Variants in MPDZ observed in about 807,000 individuals in gnomAD.
MPDZ encodes multiple PDZ domain protein.
A neutral mutation model predicts 239.1 loss-of-function variants in MPDZ; 234 were observed. The observed-to-expected ratio is 0.98, with a 90% CI of 0.88 to 1.09. The LOEUF is 1.09. Ranked by LOEUF, MPDZ falls within the 50% of genes least tolerant of loss-of-function variation. The pLI, the probability that MPDZ is intolerant of heterozygous loss-of-function variation, is 0.00. For missense variants in MPDZ, 3,175 were observed against 2,510.0 expected, an observed-to-expected ratio of 1.26 and a Z score of -5.66; for synonymous variants, 1,048 against 881.3, an observed-to-expected ratio of 1.19 and a Z score of -3.35.
intron 39 of MPDZ, among the ~76,000 whole-genome samples, chr9:13,117,537 A>C (rs1289388480): frequency 5.3e-5 from 8 of 151,886 alleles, no homozygotes; most frequent in Non-Finnish European, 1.2e-4. Context: ...TCTCAAAAAA[A>C]AAAAAAAGGT....
At position 13,188,883 on chromosome 9, in the gene MPDZ, G is replaced by A. The variant is rs138592631; in HGVS notation, c.2265C>T (p.Asn755=). ...GACTGCTGTTTTCCAAGTTAACATC[G>A]TTTACAAACATGAGTCGGTCACCAG... ...LLPGDRLMFV[N]DVNLENSSLE... Residue 755 remains asparagine, a synonymous_variant, in exon 17 of 47, where the codon AAC becomes AAT. Transcript: ENST00000319217. The A allele has an allele frequency of 3.1e-4, 500 of 1,613,458 alleles. No homozygotes were observed. The African/African-American group carries it at 6.0e-3, about 19-fold the overall frequency.
At chr9:13,120,603 T>A (rs1944199884) in intron 38 of MPDZ, 1 of 152,194 alleles carries the variant, frequency 6.6e-6, no homozygotes, top group Non-Finnish European at 1.5e-5. Context: ...GACACTCAAA[T>A]AATATGCTAA....
intron 2 of MPDZ, among the ~76,000 whole-genome samples, chr9:13,248,752 G>C (rs927220354): frequency 1.3e-5 from 2 of 151,394 alleles, no homozygotes; most frequent in Non-Finnish European, 2.9e-5. Flanking sequence ...TGGATTACTT[G>C]AGCTCAGGAG....
At chr9:13,137,017 A>C (rs1384011592) in intron 29 of MPDZ, among the ~76,000 whole-genome samples, 1 of 152,180 alleles carries the variant, frequency 6.6e-6, no homozygotes, top group Non-Finnish European at 1.5e-5. Flanking sequence ...AATGCAAATG[A>C]AGTCTGACAT....
At position 13,150,554 on chromosome 9, in the gene MPDZ, G is replaced by A; in HGVS notation, c.3587C>T (p.Ala1196Val). ...FIKHVLEDSP[A>V]GKNGTLKPGD... ...AGGTTTCAAGGTTCCATTTTTGCCA[G>A]CTGGACTATCTTCCAGAACATGTTT... Residue 1196 changes from alanine (A) to valine (V), a missense_variant, in exon 25 of 47, where the codon GCT (alanine) becomes GTT (valine). By Grantham distance (64) the Ala-to-Val change is moderately conservative. Coordinates refer to ENST00000319217, the MANE Select transcript of MPDZ (RefSeq NM_001378778.1). 1 of 1,576,152 alleles carries A rather than the reference G, an allele frequency of 6.3e-7. No homozygotes were observed. The highest frequency in any genetic ancestry group is 8.6e-7 in the Non-Finnish European group (1 of 1,159,582).
At chr9:13,199,232 G>A (rs529577135) in intron 12 of MPDZ, among the ~76,000 whole-genome samples, 1 of 151,788 alleles carries the variant, frequency 6.6e-6, no homozygotes, top group African/African-American at 2.4e-5. Flanking sequence ...TTACTTCTTT[G>A]TTTACATTTA....
chr9:13,112,797 G>T (rs1278982359), intron 42 of MPDZ, among the ~76,000 whole-genome samples: 2 of 152,132 alleles, frequency 1.3e-5, no homozygotes, highest in Admixed American at 1.3e-4. Flanking sequence ...GCTATTTTCA[G>T]CAAAACAGAG....
chr9:13,120,615 T>C (rs1336213229), intron 38 of MPDZ: 1 of 152,208 alleles, frequency 6.6e-6, no homozygotes. Flanking sequence ...ATATGCTAAA[T>C]TCTTTCTGTG....
intron 1 of MPDZ, 45 bp downstream of exon 1, chr9:13,279,355 G>T (rs1975134049): frequency 7.0e-6 from 1 of 142,558 alleles, no homozygotes; most frequent in Admixed American, 6.9e-5. Flanking sequence ...CGCAGGGCGC[G>T]GGGGCGCGCC....
chr9:13,248,568 A>C (rs1382595436), intron 2 of MPDZ, among the ~76,000 whole-genome samples: 2 of 152,106 alleles, frequency 1.3e-5, no homozygotes, highest in African/African-American at 4.8e-5. Flanking sequence ...TTATATGTGA[A>C]GCCAAAATTT....
intron 1 of MPDZ, among the ~76,000 whole-genome samples, chr9:13,269,915 A>G (rs1051907812): frequency 6.6e-6 from 1 of 152,218 alleles, no homozygotes; most frequent in Non-Finnish European, 1.5e-5. Flanking sequence ...TACCTTAGCC[A>G]TATAAGATAA....
chr9:13,219,835 A>T, intron 7 of MPDZ, 67 bp from the exon 8 acceptor site: 2 of 1,466,996 alleles, frequency 1.4e-6, no homozygotes, highest in Non-Finnish European at 1.9e-6. Context: ...ATCCTAAATG[A>T]GAAGGGATTA....
In MPDZ at chr9:13,186,312, T is replaced by C. The variant is rs774916296; in HGVS notation, c.2439A>G (p.Ala813=). ...TGAAGAGGGGTTTGTCAGCCAGCCC[T>C]GCTTCCTCACAGGAGTGTGGTGGGT... The part of the protein sequence containing the change: ...FLYPPHSCEE[A]GLADKPLFRA... The change falls in exon 18 of 47, where the codon GCA becomes GCG. Residue 813 remains alanine, a synonymous_variant. Coordinates refer to ENST00000319217, the MANE Select transcript of MPDZ (RefSeq NM_001378778.1). 1.2e-4 allele frequency: 191 copies of C among 1,596,222 alleles called. 1 individual carries two copies. The Admixed American group carries it at 3.3e-3, about 28-fold the overall frequency.
chr9:13,174,328 G>A (rs899108748), intron 21 of MPDZ, among the ~76,000 whole-genome samples: 1 of 152,110 alleles, frequency 6.6e-6, no homozygotes, highest in Non-Finnish European at 1.5e-5. Flanking sequence ...ATATTATGGT[G>A]TCTATGCATA....
intron 10 of MPDZ, among the ~76,000 whole-genome samples, chr9:13,207,245 CT>C (rs1353356195): frequency 6.6e-6 from 1 of 152,150 alleles, no homozygotes; most frequent in African/African-American, 2.4e-5. Context: ...TCCCGGTGAT[CT>C]TTCCAAAATA....
chr9:13,237,374 C>T (rs1464304589), intron 3 of MPDZ, among the ~76,000 whole-genome samples: 1 of 140,736 alleles, frequency 7.1e-6, no homozygotes, highest in Non-Finnish European at 1.5e-5. Flanking sequence ...GAGGTCGAGG[C>T]TGCAGTGAGC....
At chr9:13,119,941 C>T (rs1051265129) in intron 38 of MPDZ, 2 of 340,484 alleles carry the variant, frequency 5.9e-6, no homozygotes, top group South Asian at 3.1e-5. Context: ...ATGGGTCACT[C>T]GGCTACTAAG....
rs1023027438 is a variant in MPDZ at position 13,186,390 on chromosome 9, C to T, written c.2365-4G>A. The T allele has an allele frequency of 2.6e-6, 4 of 1,541,042 alleles. No homozygotes were observed. Among genetic ancestry groups the T allele is most frequent in the Non-Finnish European group, 2.6e-6 (3 of 1,134,400 alleles). ...CATAACCTTCTTCTGGTGAAAGCTGCAGGGAAAAAATGGTATTCATGGAAA... is the reference window on the plus strand; with the variant it reads ...CATAACCTTCTTCTGGTGAAAGCTGTAGGGAAAAAATGGTATTCATGGAAA... On this transcript the variant is annotated splice_polypyrimidine_tract_variant and splice_region_variant and intron_variant, in intron 17 of 46. Coordinates refer to ENST00000319217, the MANE Select transcript of MPDZ (RefSeq NM_001378778.1).
At chr9:13,144,906 T>A (rs1180853690) in intron 26 of MPDZ, among the ~76,000 whole-genome samples, 2 of 152,052 alleles carry the variant, frequency 1.3e-5, no homozygotes, top group Non-Finnish European at 2.9e-5. Context: ...GTGACAAATA[T>A]ATCCTAGGCA....
Sources: gnomAD v4.1 joint callset for allele counts (sites outside exome capture counted in the v4.1 genomes callset) on GRCh38, gnomAD v4.1.1 for gene constraint, MANE v1.5 for transcripts, NCBI Gene and HGNC (gene_info 2026-07-23, HGNC 2026-07-21) for gene names.